Variants in CLOCK observed in about 807,000 individuals in gnomAD.
CLOCK encodes clock circadian regulator, also known as circadian locomoter output cycles protein kaput.
In CLOCK, 43 loss-of-function variants were observed where a neutral mutation model predicts 118.4. The ratio of observed to expected loss-of-function variants is 0.36; its 90% confidence interval spans 0.28 to 0.47. The LOEUF is 0.47. Among genes scored for constraint, CLOCK ranks in the 20% least tolerant of loss-of-function variants. The pLI, the probability that CLOCK is intolerant of heterozygous loss-of-function variation, is 1.00. For synonymous variants in CLOCK, 326 were observed against 339.2 expected (o/e 0.96, Z 0.43); for missense variants, 846 against 999.9 (o/e 0.85, Z 2.08).
chr4:55,516,040 T>A (rs1221920141), intron 1 of CLOCK, among the ~76,000 whole-genome samples: 2 of 152,216 alleles, frequency 1.3e-5, no homozygotes, highest in Non-Finnish European at 2.9e-5. Flanking sequence ...ATTTCTACTT[T>A]AATTATATTG....
At position 55,475,854 on chromosome 4, in the gene CLOCK, G is replaced by A. The variant is rs1726474993; in HGVS notation, c.348+109C>T. Reference sequence around the variant, plus strand: ...ACTGAAATATTAGCTTTATTGCAGTGGTCTGGAACTCAACTCGCAATATCG... The same window carrying A: ...ACTGAAATATTAGCTTTATTGCAGTAGTCTGGAACTCAACTCGCAATATCG... On this transcript the variant is annotated intron_variant, in intron 7 of 22. Transcript: ENST00000513440. 4.1e-6 allele frequency: 3 copies of A among 723,914 alleles called. No homozygotes were observed. The East Asian group carries it at 8.1e-5, about 20-fold the overall frequency. The allele number at this position is 723,914 out of a possible 1,614,324, so 44.8% of individuals were successfully genotyped here.
intron 1 of CLOCK, among the ~76,000 whole-genome samples, chr4:55,521,636 T>C (rs184313097): frequency 2.5e-4 from 38 of 152,384 alleles, no homozygotes; most frequent in African/African-American, 8.7e-4. Flanking sequence ...CATGAATTAT[T>C]GGCCTTCACA....
At chr4:55,534,482 T>C (rs1730757670) in intron 1 of CLOCK, among the ~76,000 whole-genome samples, 1 of 152,206 alleles carries the variant, frequency 6.6e-6, no homozygotes, top group South Asian at 2.1e-4. Flanking sequence ...CTGGGTATTT[T>C]TGTTATAGCA....
chr4:55,539,240 C>A (rs200200164), intron 1 of CLOCK, among the ~76,000 whole-genome samples: 1 of 64,070 alleles, frequency 1.6e-5, no homozygotes, highest in Non-Finnish European at 3.6e-5. Flanking sequence ...CTCAAAAAAA[C>A]AACAACAACA....
intron 8 of CLOCK, among the ~76,000 whole-genome samples, chr4:55,466,561 G>A (rs1725752104): frequency 6.6e-6 from 1 of 151,994 alleles, no homozygotes; most frequent in African/African-American, 2.4e-5. Flanking sequence ...CTACTATTTG[G>A]TAAATTATGA....
At chr4:55,482,572 T>C (rs1192955837) in intron 4 of CLOCK, among the ~76,000 whole-genome samples, 167 bp downstream of exon 4, 2 of 152,204 alleles carry the variant, frequency 1.3e-5, no homozygotes, top group African/African-American at 2.4e-5. Context: ...AATACTGATA[T>C]ACCTTACTTA....
At chr4:55,499,698 C>G (rs1728309393) in intron 2 of CLOCK, among the ~76,000 whole-genome samples, 3 of 152,244 alleles carry the variant, frequency 2.0e-5, no homozygotes, top group African/African-American at 7.2e-5. Flanking sequence ...GTTCACAATG[C>G]TGCTTAAATC....
intron 7 of CLOCK, among the ~76,000 whole-genome samples, chr4:55,473,193 A>G (rs1050730924): frequency 2.0e-5 from 3 of 152,140 alleles, no homozygotes; most frequent in African/African-American, 7.2e-5. Flanking sequence ...ACTGCACTCC[A>G]GCCTGGGCGA....
At position 55,432,303 on chromosome 4, in the gene CLOCK, C is replaced by T. The variant is rs1278825801; in HGVS notation, c.*3112G>A. 6.6e-6 allele frequency: 1 copy of T among 151,996 alleles called. No homozygotes were observed. The highest frequency in any genetic ancestry group is 2.1e-4 in the South Asian group (1 of 4,820). 9.4% of individuals were successfully genotyped at this position (151,996 alleles called of 1,614,324 possible). On this transcript the variant is annotated 3_prime_UTR_variant, in exon 23 of 23. Transcript: ENST00000513440. ...ACTTTATTAACCCTTCTAGTTCTCA[C>T]TTGCATTTGTTAAACAATACTGACT...
chr4:55,546,190 C>T (rs1489343308), intron 1 of CLOCK, among the ~76,000 whole-genome samples: 3 of 152,160 alleles, frequency 2.0e-5, no homozygotes, highest in Non-Finnish European at 2.9e-5. Context: ...TCTCGGCACC[C>T]GGTCCCCGTC....
rs988557524 is a variant in CLOCK, at chr4:55,512,100, T to G, written c.-289-2035A>C. Among the ~76,000 whole-genome samples, 3 of 151,992 alleles carry G rather than the reference T, an allele frequency of 2.0e-5. No individual in the cohort carries two copies. In the South Asian group the frequency reaches 6.2e-4, roughly 32 times the overall value. On this transcript the variant is annotated intron_variant, in intron 1 of 22. Coordinates refer to ENST00000513440, the MANE Select transcript of CLOCK (RefSeq NM_004898.4). Reference sequence around the variant, plus strand: ...AAGATTTTTGTATGGATAGAAACTGTCAATTCTTTGGTTGCTAGATCATAT... The same window carrying G: ...AAGATTTTTGTATGGATAGAAACTGGCAATTCTTTGGTTGCTAGATCATAT...
At chr4:55,489,703 T>C (rs1727544709) in intron 2 of CLOCK, among the ~76,000 whole-genome samples, 1 of 152,166 alleles carries the variant, frequency 6.6e-6, no homozygotes. Flanking sequence ...TAAAAAACTG[T>C]AACTATAAAA....
At position 55,435,375 on chromosome 4, in the gene CLOCK, T is replaced by C; in HGVS notation, c.*40A>G. 1 of 1,610,410 alleles carries C rather than the reference T, an allele frequency of 6.2e-7. No individual in the cohort carries two copies. Among genetic ancestry groups the C allele is most frequent in the Non-Finnish European group, 8.5e-7 (1 of 1,177,140 alleles). ...CATCTGAGTAACTCTTAATGGGCCATCCCCTTCCTCCCTTGATGTCAAGAG... is the reference window on the plus strand; with the variant it reads ...CATCTGAGTAACTCTTAATGGGCCACCCCCTTCCTCCCTTGATGTCAAGAG... On this transcript the variant is annotated 3_prime_UTR_variant, in exon 23 of 23. Transcript: ENST00000513440.
At chr4:55,450,728 C>T (rs1176721997) in intron 15 of CLOCK, among the ~76,000 whole-genome samples, 1 of 151,726 alleles carries the variant, frequency 6.6e-6, no homozygotes, top group Non-Finnish European at 1.5e-5. Context: ...GAGATCCTGC[C>T]ACTGCATTCC....
At chr4:55,521,202 A>G (rs1212288659) in intron 1 of CLOCK, among the ~76,000 whole-genome samples, 1 of 152,194 alleles carries the variant, frequency 6.6e-6, no homozygotes, top group Non-Finnish European at 1.5e-5. Context: ...AATCTGTCAC[A>G]TAAATTCAAA....
rs60471915 is a variant in CLOCK at position 55,503,978 on chromosome 4, T to TAAAAAAAAAAAAA, written c.-136+5921_-136+5933dup. 6.0e-4 allele frequency among the ~76,000 whole-genome samples: 43 copies of TAAAAAAAAAAAAA among 71,112 alleles called. 2 individuals are homozygous for TAAAAAAAAAAAAA. Among genetic ancestry groups the TAAAAAAAAAAAAA allele is most frequent in the East Asian group, 2.1e-3 (4 of 1,894 alleles). The allele number at this position is 71,112 out of a possible 152,430, so 46.7% of individuals were successfully genotyped here. A position where few individuals can be genotyped will look rare whatever the true frequency, so the allele number is the denominator to read the frequency against. ...ACAGTTTCTATTTGGCAAAAAGAGGTAAAAAAAAAAAAAAAAAAAAAAAAA... is the reference window on the plus strand; with the variant it reads ...ACAGTTTCTATTTGGCAAAAAGAGGTAAAAAAAAAAAAAAAAAAAAAAAAAAAAAAAAAAAAAA... On this transcript the variant is annotated intron_variant, in intron 2 of 22. Coordinates refer to ENST00000513440, the MANE Select transcript of CLOCK (RefSeq NM_004898.4).
chr4:55,545,100 AC>A (rs1423964595), intron 1 of CLOCK, among the ~76,000 whole-genome samples: 1 of 146,148 alleles, frequency 6.8e-6, no homozygotes, highest in Non-Finnish European at 1.5e-5. Flanking sequence ...GTTCTAGGGT[AC>A]ATGTGCACAA....
intron 1 of CLOCK, among the ~76,000 whole-genome samples, chr4:55,532,382 C>G (rs552740757): frequency 1.3e-5 from 2 of 152,116 alleles, no homozygotes; most frequent in African/African-American, 4.8e-5. Context: ...TCTCTGTATA[C>G]AGATGACATG....
intron 4 of CLOCK, among the ~76,000 whole-genome samples, chr4:55,481,308 C>T (rs534811078): frequency 3.3e-5 from 5 of 151,928 alleles, no homozygotes; most frequent in Admixed American, 2.6e-4. Flanking sequence ...ATGAATTTTC[C>T]GAGAACAGAG....
Sources: gnomAD v4.1 joint callset for allele counts (sites outside exome capture counted in the v4.1 genomes callset) on GRCh38, gnomAD v4.1.1 for gene constraint, MANE v1.5 for transcripts, NCBI Gene and HGNC (gene_info 2026-07-23, HGNC 2026-07-21) for gene names.